SUPT3H: variants seen among roughly 807,000 people sequenced by gnomAD.
The protein encoded by SUPT3H is transcription initiation protein SPT3 homolog.
In SUPT3H, 44 loss-of-function variants were observed where a neutral mutation model predicts 44.3. The ratio of observed to expected loss-of-function variants is 0.99; its 90% CI spans 0.78 to 1.28. SUPT3H has a LOEUF of 1.28. SUPT3H is among the 50% of genes most tolerant of loss of function. The probability of loss-of-function intolerance (pLI) is 0.00; values close to 1 mark genes in which losing one functional copy is unlikely to be tolerated. For synonymous variants in SUPT3H, 124 were observed against 125.6 expected, an observed-to-expected ratio of 0.99 and a Z score of 0.09; for missense variants, 380 against 387.1, an observed-to-expected ratio of 0.98 and a Z score of 0.15.
At chr6:45,188,793 G>A (rs1172968907) in intron 2 of SUPT3H, among the ~76,000 whole-genome samples, 1 of 151,240 alleles carries the variant, frequency 6.6e-6, no homozygotes, top group Non-Finnish European at 1.5e-5. Context: ...TACTCATTGT[G>A]TACCTCAGCA....
chr6:45,257,548 C>T (rs1201528143), intron 2 of SUPT3H, among the ~76,000 whole-genome samples: 1 of 152,098 alleles, frequency 6.6e-6, no homozygotes, highest in African/African-American at 2.4e-5. Flanking sequence ...ATACAGTCAT[C>T]GTTGTTTCAG....
chr6:44,962,581 A>T (rs202236422), intron 6 of SUPT3H, among the ~76,000 whole-genome samples: 3 of 149,982 alleles, frequency 2.0e-5, no homozygotes, highest in East Asian at 1.9e-4. Context: ...CTGAGATTTA[A>T]TTTTTTTTTT....
chr6:45,224,735 G>A (rs951714244), intron 2 of SUPT3H, among the ~76,000 whole-genome samples: 11 of 150,318 alleles, frequency 7.3e-5, no homozygotes, highest in African/African-American at 2.4e-4. Context: ...CTGAGATCGC[G>A]CCACTGCACT....
intron 2 of SUPT3H, among the ~76,000 whole-genome samples, chr6:45,310,168 C>T (rs1783721965): frequency 6.6e-6 from 1 of 152,176 alleles, no homozygotes; most frequent in African/African-American, 2.4e-5. Flanking sequence ...CTTTTCCTCA[C>T]ATCCCTGACA....
At chr6:45,107,959 T>TAA (rs71864894) in intron 2 of SUPT3H, among the ~76,000 whole-genome samples, 33,195 of 152,074 alleles carry the variant, frequency 0.22, 4,414 homozygotes, top group Non-Finnish European at 0.31. Context: ...GAAAAAGTAC[T>TAA]AAACAGAAAT....
chr6:45,104,365 A>G (rs1029209396), intron 3 of SUPT3H, among the ~76,000 whole-genome samples: 2 of 152,166 alleles, frequency 1.3e-5, no homozygotes, highest in East Asian at 1.9e-4. Context: ...AGAAGGCTAT[A>G]GAAAGATAGA....
intron 2 of SUPT3H, among the ~76,000 whole-genome samples, chr6:45,200,435 A>G (rs1762296675): frequency 6.6e-6 from 1 of 151,564 alleles, no homozygotes; most frequent in Non-Finnish European, 1.5e-5. Context: ...TCTAAAGTAT[A>G]TCCCATTTTG....
At chr6:45,063,703 G>A in intron 3 of SUPT3H, among the ~76,000 whole-genome samples, 2 of 60,424 alleles carry the variant, frequency 3.3e-5, no homozygotes, top group African/African-American at 7.0e-5. Context: ...GGAAGAAAGG[G>A]TATCAGCAAT....
chr6:44,897,762 A>G (rs1764326950), intron 10 of SUPT3H, among the ~76,000 whole-genome samples: 1 of 152,160 alleles, frequency 6.6e-6, no homozygotes, highest in African/African-American at 2.4e-5. Flanking sequence ...AGGGAGCTCA[A>G]GTTCAGTTTA....
At chr6:44,878,748 T>C (rs1777710678) in intron 10 of SUPT3H, among the ~76,000 whole-genome samples, 1 of 152,048 alleles carries the variant, frequency 6.6e-6, no homozygotes, top group African/African-American at 2.4e-5. Context: ...TGGGACTGGT[T>C]AGACAGTGGG....
chr6:44,963,892 G>A (rs535705580), intron 6 of SUPT3H, among the ~76,000 whole-genome samples: 8 of 151,530 alleles, frequency 5.3e-5, no homozygotes, highest in South Asian at 2.1e-4. Context: ...CCAGCTACTC[G>A]GAGGCTGAGG....
At position 45,279,475 on chromosome 6, in the gene SUPT3H, C is replaced by G. The variant is rs752139331; in HGVS notation, c.101+85726G>C. 4.1e-4 allele frequency among the ~76,000 whole-genome samples: 63 copies of G among 152,100 alleles called. 1 individual carries two copies. The highest frequency in any genetic ancestry group is 5.7e-4 in the Non-Finnish European group (39 of 68,036). On this transcript the variant is annotated intron_variant, in intron 2 of 10. Transcript: ENST00000371459. ...CAGATCTCTCATGAGTGGCTTGGTGCTGTCCTCCTGAGAGTAAGTTCTGCC... is the reference window on the plus strand; with the variant it reads ...CAGATCTCTCATGAGTGGCTTGGTGGTGTCCTCCTGAGAGTAAGTTCTGCC...
intron 2 of SUPT3H, among the ~76,000 whole-genome samples, chr6:45,363,569 C>A (rs1794631305): frequency 6.6e-6 from 1 of 151,958 alleles, no homozygotes; most frequent in South Asian, 2.1e-4. Flanking sequence ...TGAATTTTTT[C>A]ACCTTATTCT....
chr6:45,281,795 G>C (rs2153666989), intron 2 of SUPT3H, among the ~76,000 whole-genome samples: 1 of 152,284 alleles, frequency 6.6e-6, no homozygotes, highest in East Asian at 1.9e-4. Flanking sequence ...GCCTCCTCAA[G>C]TGGGTCCCTG....
intron 10 of SUPT3H, among the ~76,000 whole-genome samples, chr6:44,878,032 A>G (rs1420484822): frequency 6.6e-6 from 1 of 152,210 alleles, no homozygotes; most frequent in Admixed American, 6.5e-5. Flanking sequence ...CATTAAAGCT[A>G]TTTTGACACC....
chr6:45,225,559 G>C (rs1766802654), intron 2 of SUPT3H, among the ~76,000 whole-genome samples: 1 of 152,110 alleles, frequency 6.6e-6, no homozygotes, highest in African/African-American at 2.4e-5. Context: ...CATATGGAGA[G>C]AGATTAACTG....
At chr6:44,831,578 T>C (rs923615192) in intron 10 of SUPT3H, among the ~76,000 whole-genome samples, 10 of 152,312 alleles carry the variant, frequency 6.6e-5, no homozygotes, top group African/African-American at 2.4e-4. Context: ...CTTGATATTT[T>C]AAATTTTATA....
chr6:45,352,223 G>A (rs1792214853), intron 2 of SUPT3H, among the ~76,000 whole-genome samples: 1 of 152,112 alleles, frequency 6.6e-6, no homozygotes. Flanking sequence ...AATAACCTTT[G>A]ATCGTCTACC....
At position 45,358,323 on chromosome 6, in the gene SUPT3H, T is replaced by A. The variant is rs543446429; in HGVS notation, c.101+6878A>T. On this transcript the variant is annotated intron_variant, in intron 2 of 10. Coordinates refer to ENST00000371459, the MANE Select transcript of SUPT3H (RefSeq NM_003599.4). ...AAAATCTACAATTCAGTTGCTCAGCTGCCTGGCTTATTTAATATACTCAAT... is the reference window on the plus strand; with the variant it reads ...AAAATCTACAATTCAGTTGCTCAGCAGCCTGGCTTATTTAATATACTCAAT... Among the ~76,000 whole-genome samples, 100 of 152,328 alleles carry A rather than the reference T, an allele frequency of 6.6e-4. 1 individual carries two copies. Among genetic ancestry groups the A allele is most frequent in the African/African-American group, 2.4e-3 (99 of 41,588 alleles).
Sources: allele counts gnomAD v4.1 joint callset (sites outside exome capture counted in the v4.1 genomes callset), GRCh38; gene constraint gnomAD v4.1.1; transcripts MANE v1.5; gene names NCBI Gene and HGNC (gene_info 2026-07-23, HGNC 2026-07-21).